Variants in MPZ observed in about 807,000 individuals in gnomAD.
The protein encoded by MPZ is myelin protein zero, also known as myelin protein P0.
Under a neutral mutation model 27.9 loss-of-function variants are expected in MPZ, and 13 were observed. The ratio of observed to expected loss-of-function variants is 0.47; its 90% CI spans 0.30 to 0.74. The LOEUF (loss-of-function observed/expected upper bound fraction) is 0.74. Among genes scored for constraint, MPZ ranks in the 30% least tolerant of loss-of-function variants. MPZ has a pLI of 0.06. For synonymous variants in MPZ, 118 were observed against 128.9 expected, an observed-to-expected ratio of 0.92 and a Z score of 0.57; for missense variants, 256 against 317.5, an observed-to-expected ratio of 0.81 and a Z score of 1.47.
intron 1 of MPZ, among the ~76,000 whole-genome samples, chr1:161,309,552 A>ATATTTTTTTTTTTTTTTTTTTTTT: frequency 6.2e-5 from 5 of 80,660 alleles, no homozygotes; most frequent in African/African-American, 5.8e-5. Context: ...ATATATATAT[A>ATATTTTTTTTTTTTTTTTTTTTTT]TTTTTTTTTT....
At chr1:161,309,662 G>A (rs1670355517) in intron 1 of MPZ, among the ~76,000 whole-genome samples, 177 bp downstream of exon 1, 1 of 150,794 alleles carries the variant, frequency 6.6e-6, no homozygotes, top group Admixed American at 6.6e-5. Context: ...AAAGTGCTGG[G>A]ATTACAGGCA....
downstream of MPZ, among the ~76,000 whole-genome samples, chr1:161,303,858 T>C (rs10081999): frequency 0.078 from 11,934 of 152,166 alleles, 702 homozygotes; most frequent in African/African-American, 0.16. Flanking sequence ...TGAAGGCAGA[T>C]TGATTTTTTT....
downstream of MPZ, among the ~76,000 whole-genome samples, chr1:161,303,780 A>G (rs1049922195): frequency 2.6e-5 from 4 of 152,216 alleles, no homozygotes; most frequent in African/African-American, 9.6e-5. Flanking sequence ...CTGGGTTGTG[A>G]CTAAGTTTCC....
At chr1:161,304,352 A>G (rs555376607), downstream of MPZ, among the ~76,000 whole-genome samples, 4 of 152,354 alleles carry the variant, frequency 2.6e-5, no homozygotes, top group South Asian at 8.3e-4. Context: ...CTAGGAATTA[A>G]GCAGGGCAGA....
At chr1:161,307,573 G>A (rs571058278) in intron 1 of MPZ, 149 bp from the exon 2 acceptor site, 5 of 764,370 alleles carry the variant, frequency 6.5e-6, no homozygotes, top group Non-Finnish European at 1.1e-5. Flanking sequence ...AAGTCTCTGG[G>A]GACTAACTGA....
intron 5 of MPZ, 40 bp downstream of exon 5, chr1:161,306,068 T>C: frequency 1.9e-6 from 3 of 1,612,354 alleles, no homozygotes; most frequent in Middle Eastern, 1.7e-4. Flanking sequence ...GCTCCCAGGG[T>C]TCTCCTTCCC....
At chr1:161,307,174 C>T (rs1467778181) in intron 2 of MPZ, 84 bp downstream of exon 2, 25 of 1,554,868 alleles carry the variant, frequency 1.6e-5, no homozygotes, top group Non-Finnish European at 2.1e-5. Context: ...AAAGGATTTC[C>T]CCCTCCTTAG....
Position 161,309,928 on chromosome 1 carries a change from C to T in MPZ, c.-23G>A, listed in dbSNP as rs1438012736. The stretch of plus-strand genomic sequence containing the variant: ...CATAGCTGGGGCAGGGGCAGGGGCC[C>T]GGAGCATCTGTGGGGTTGAGAAAGT... On this transcript the variant is annotated 5_prime_UTR_variant, in exon 1 of 6. Transcript: ENST00000533357. 6 of 1,568,290 alleles carry T rather than the reference C, an allele frequency of 3.8e-6. No homozygotes were observed. Among genetic ancestry groups the T allele is most frequent in the Admixed American group, 1.9e-5 (1 of 52,398 alleles).
At chr1:161,309,552 A>ATTTTT (rs1215409194) in intron 1 of MPZ, among the ~76,000 whole-genome samples, 5 of 80,646 alleles carry the variant, frequency 6.2e-5, no homozygotes, top group Admixed American at 1.3e-4. Context: ...ATATATATAT[A>ATTTTT]TTTTTTTTTT....
chr1:161,309,548 A>ATTTTTTTTTTTT (rs1482171465), intron 1 of MPZ, among the ~76,000 whole-genome samples: 3 of 73,272 alleles, frequency 4.1e-5, no homozygotes, highest in African/African-American at 1.3e-4. Context: ...ATATATATAT[A>ATTTTTTTTTTTT]TATATTTTTT....
In MPZ at chr1:161,304,863, C is replaced by T. The variant is rs1445258690; in HGVS notation, c.*1013G>A. ...GCAGCCTCTTCCTCCCCCCCGCCCC[C>T]CCATTTCCCATTTGTTTTTCCTGCT... On this transcript the variant is annotated 3_prime_UTR_variant, in exon 6 of 6. Transcript: ENST00000533357. 2.0e-5 allele frequency: 3 copies of T among 150,238 alleles called. No homozygotes were observed. The highest frequency in any genetic ancestry group is 4.3e-4 in the South Asian group (2 of 4,642). 9.3% of individuals were successfully genotyped at this position (150,238 alleles called of 1,614,324 possible). A position where few individuals can be genotyped will look rare whatever the true frequency, so the allele number is the denominator to read the frequency against.
intron 1 of MPZ, among the ~76,000 whole-genome samples, chr1:161,307,870 C>G (rs926031863): frequency 1.2e-4 from 19 of 152,336 alleles, no homozygotes; most frequent in African/African-American, 4.3e-4. Context: ...CTTAGCCCAA[C>G]AAATTCCTTT....
At chr1:161,306,646 C>A in intron 3 of MPZ, 62 bp downstream of exon 3, 1 of 1,577,816 alleles carries the variant, frequency 6.3e-7, no homozygotes, top group South Asian at 1.1e-5. Context: ...CCCAACCTAT[C>A]AGTCCTCCCT....
At chr1:161,307,465 C>A (rs1670292368) in intron 1 of MPZ, 41 bp from the exon 2 acceptor site, 2 of 1,610,880 alleles carry the variant, frequency 1.2e-6, no homozygotes, top group South Asian at 1.1e-5. Flanking sequence ...CCTATGGGCC[C>A]AGTAAGGGAT....
At position 161,305,748 on chromosome 1, in the gene MPZ, G is replaced by C; in HGVS notation, c.*128C>G. ...GTTTTTGAGGCTGGTTCTGCTGGGGGACTTGACAGCAGGCCGGAGCTCCGG... is the reference window on the plus strand; with the variant it reads ...GTTTTTGAGGCTGGTTCTGCTGGGGCACTTGACAGCAGGCCGGAGCTCCGG... On this transcript the variant is annotated 3_prime_UTR_variant, in exon 6 of 6. Transcript: ENST00000533357. The C allele has an allele frequency of 1.5e-6, 1 of 676,974 alleles. No individual in the cohort carries two copies. 41.9% of individuals were successfully genotyped at this position (676,974 alleles called of 1,614,324 possible).
At chr1:161,306,969 A>C in intron 2 of MPZ, 48 bp from the exon 3 acceptor site, 1 of 1,111,716 alleles carries the variant, frequency 9.0e-7, no homozygotes, top group Non-Finnish European at 1.3e-6. Flanking sequence ...ATGAGAACAC[A>C]GCTGTCAAAG....
chr1:161,305,604 A>C lies in MPZ; in HGVS notation c.*272T>G. ...GAGGGCAGGGCAGGGCGGGGGAGCAAAGAGGGAAAGCACCTAGACGGGGGT... is the reference window on the plus strand; with the variant it reads ...GAGGGCAGGGCAGGGCGGGGGAGCACAGAGGGAAAGCACCTAGACGGGGGT... On this transcript the variant is annotated 3_prime_UTR_variant, in exon 6 of 6. Transcript: ENST00000533357. 1 of 502,574 alleles carries C rather than the reference A, an allele frequency of 2.0e-6. No individual in the cohort carries two copies. Among genetic ancestry groups the C allele is most frequent in the East Asian group, 3.4e-5 (1 of 29,208 alleles). 31.1% of individuals were successfully genotyped at this position (502,574 alleles called of 1,614,324 possible).
rs2102255822 is a variant in MPZ at position 161,305,050 on chromosome 1, G to T, written c.*826C>A. The T allele has an allele frequency of 6.5e-6, 1 of 152,852 alleles. No individual in the cohort carries two copies. 9.5% of individuals were successfully genotyped at this position (152,852 alleles called of 1,614,324 possible). A position where few individuals can be genotyped will look rare whatever the true frequency, so the allele number is the denominator to read the frequency against. ...CAGGGGGAACCAATGCTATACTGAA[G>T]TGTGAGGATCAGGGGCCCCTCTACT... On this transcript the variant is annotated 3_prime_UTR_variant, in exon 6 of 6. Coordinates refer to ENST00000533357, the MANE Select transcript of MPZ (RefSeq NM_000530.8).
At position 161,306,941 on chromosome 1, in the gene MPZ, G is replaced by A. The variant is rs1253411068; in HGVS notation, c.235-20C>T. The A allele has an allele frequency of 6.7e-7, 1 of 1,494,246 alleles. No homozygotes were observed. The highest frequency in any genetic ancestry group is 9.1e-7 in the Non-Finnish European group (1 of 1,096,052). The allele number at this position is 1,494,246 out of a possible 1,614,324, so 92.6% of individuals were successfully genotyped here. A position where few individuals can be genotyped will look rare whatever the true frequency, so the allele number is the denominator to read the frequency against. On this transcript the variant is annotated intron_variant, in intron 2 of 5. Coordinates refer to ENST00000533357, the MANE Select transcript of MPZ (RefSeq NM_000530.8). ...GAAGATCTATGAGGAATGAGGGGAA[G>A]CATGTGAGAGGACCCTAATGAGAAC...
Sources: gnomAD v4.1 joint callset for allele counts (sites outside exome capture counted in the v4.1 genomes callset) on GRCh38, gnomAD v4.1.1 for gene constraint, MANE v1.5 for transcripts, NCBI Gene and HGNC (gene_info 2026-07-23, HGNC 2026-07-21) for gene names.